The following MTCH2 variants were observed in gnomAD, a reference collection of about 807,000 sequenced individuals.
MTCH2 encodes the protein mitochondrial carrier 2, also known as mitochondrial carrier homolog 2.
A neutral mutation model predicts 50.6 loss-of-function variants in MTCH2; 25 were observed. The ratio of observed to expected loss-of-function variants is 0.49; its 90% confidence interval spans 0.36 to 0.69. The LOEUF is 0.69. Among genes scored for constraint, MTCH2 ranks in the 30% least tolerant of loss-of-function variants. The pLI is 0.00. For synonymous variants in MTCH2, 106 were observed against 132.0 expected, an observed-to-expected ratio of 0.80 and a Z score of 1.35; for missense variants, 273 against 384.4, an observed-to-expected ratio of 0.71 and a Z score of 2.42.
chr11:47,638,649 A>G (rs773371791), intron 3 of MTCH2, 50 bp downstream of exon 3: 28 of 1,249,674 alleles, frequency 2.2e-5, no homozygotes, highest in Non-Finnish European at 2.9e-5. Context: ...CAAACTATGC[A>G]TAACAGGTAA....
At chr11:47,611,452 A>G in the MTCH2 span, among the ~76,000 whole-genome samples, 1 of 152,130 alleles carries the variant, frequency 6.6e-6, no homozygotes, top group African/African-American at 2.4e-5. Context: ...TCCTTATCCA[A>G]CCTCTGGCTC....
chr11:47,604,339 C>A, the MTCH2 span, among the ~76,000 whole-genome samples: 1 of 151,464 alleles, frequency 6.6e-6, no homozygotes, highest in Non-Finnish European at 1.5e-5. Flanking sequence ...CTCAAACTGT[C>A]AAAGATCAAT....
intron 5 of MTCH2, among the ~76,000 whole-genome samples, chr11:47,632,078 G>A (rs1289275547): frequency 1.3e-5 from 2 of 152,008 alleles, no homozygotes; most frequent in Non-Finnish European, 2.9e-5. Flanking sequence ...AGATTATTAA[G>A]TTGCTCTCTT....
chr11:47,635,631 T>TA, intron 3 of MTCH2, 60 bp from the exon 4 acceptor site: 1 of 1,511,792 alleles, frequency 6.6e-7, no homozygotes, highest in Non-Finnish European at 9.1e-7. Flanking sequence ...AAAGAAGACA[T>TA]AAAATGAAAA....
At chr11:47,610,332 AG>A in the MTCH2 span, among the ~76,000 whole-genome samples, 1 of 152,222 alleles carries the variant, frequency 6.6e-6, no homozygotes, top group Non-Finnish European at 1.5e-5. Flanking sequence ...CTTGGAAAGT[AG>A]CCCCTCCCTT....
chr11:47,609,730 A>AGAG, the MTCH2 span, among the ~76,000 whole-genome samples: 2 of 151,868 alleles, frequency 1.3e-5, no homozygotes. Context: ...CTGTGTAGGT[A>AGAG]GAGGAGAGTC....
rs1386143638 is a variant in MTCH2 at position 47,627,060 on chromosome 11, A to T, written c.681+20T>A. ...AACACAACTATTCCTAGAAGGTTAAAAGGATTTTAAAAAACTCACTCCTGT... is the reference window on the plus strand; with the variant it reads ...AACACAACTATTCCTAGAAGGTTAATAGGATTTTAAAAAACTCACTCCTGT... On this transcript the variant is annotated intron_variant, in intron 10 of 12. Transcript: ENST00000302503. 2 of 1,560,628 alleles carry T rather than the reference A, an allele frequency of 1.3e-6. No homozygotes were observed. Among genetic ancestry groups the T allele is most frequent in the African/African-American group, 2.7e-5 (2 of 72,732 alleles).
chr11:47,631,593 T>G, intron 6 of MTCH2, 61 bp downstream of exon 6: 1 of 1,544,654 alleles, frequency 6.5e-7, no homozygotes, highest in East Asian at 2.3e-5. Flanking sequence ...CGTCAACCTA[T>G]CTAAGTGGTC....
intron 10 of MTCH2, among the ~76,000 whole-genome samples, chr11:47,626,096 C>T (rs530792560): frequency 3.9e-5 from 6 of 151,968 alleles, no homozygotes; most frequent in African/African-American, 7.2e-5. Flanking sequence ...CTGCAACCTC[C>T]GCCTCCTGGG....
intron 1 of MTCH2, among the ~76,000 whole-genome samples, chr11:47,641,170 G>A (rs1435320001): frequency 2.6e-5 from 4 of 152,168 alleles, no homozygotes; most frequent in African/African-American, 9.7e-5. Flanking sequence ...CTGGGAAGGC[G>A]TGAGCGAACG....
Position 47,634,728 on chromosome 11 carries a change from C to T in MTCH2, c.313G>A (p.Gly105Arg). 2.5e-6 allele frequency: 4 copies of T among 1,589,284 alleles called. No homozygotes were observed. The highest frequency in any genetic ancestry group is 1.1e-5 in the South Asian group (1 of 88,164). ...ACTTCTTTCTGTACATTTCCAGGTC[C>T]TAACTCCTGGAAATCAAAATCAAAG... Reference protein sequence around the residue: ...YQESDKGEELGPGNVQKEVSS... With the variant: ...YQESDKGEELRPGNVQKEVSS... Residue 105 changes from glycine (G) to arginine (R), a missense_variant, in exon 5 of 13, where the codon GGA becomes AGA. By Grantham distance (125) the Gly-to-Arg change is moderately radical. Around this residue, in one of 2 missense-constraint regions of MTCH2, gnomAD observed 203 missense variants for 244.3 expected, o/e 0.83. Transcript: ENST00000302503.
Position 47,642,509 on chromosome 11 carries a change from G to A in MTCH2, c.-44C>T. ...ACGGACAGACAGACGGAGCCACCAA[G>A]CGACCCGGTGAGCCGGTCCTAGGTC... On this transcript the variant is annotated 5_prime_UTR_variant, in exon 1 of 13. Transcript: ENST00000302503. The A allele has an allele frequency of 1.3e-6, 2 of 1,520,440 alleles. No homozygotes were observed. Among genetic ancestry groups the A allele is most frequent in the Admixed American group, 2.1e-5 (1 of 48,272 alleles). The allele number at this position is 1,520,440 out of a possible 1,614,324, so 94.2% of individuals were successfully genotyped here.
chr11:47,640,912 T>C (rs1365902780), intron 1 of MTCH2, among the ~76,000 whole-genome samples: 1 of 152,086 alleles, frequency 6.6e-6, no homozygotes, highest in Non-Finnish European at 1.5e-5. Flanking sequence ...GTTTTGTTTT[T>C]TTGAGGCTGA....
At chr11:47,611,194 A>T in the MTCH2 span, among the ~76,000 whole-genome samples, 1 of 152,246 alleles carries the variant, frequency 6.6e-6, no homozygotes, top group African/African-American at 2.4e-5. Flanking sequence ...CCTCGCACAG[A>T]ACTCTGCCCA....
chr11:47,607,276 A>T, the MTCH2 span, among the ~76,000 whole-genome samples: 1 of 152,178 alleles, frequency 6.6e-6, no homozygotes, highest in Non-Finnish European at 1.5e-5. Flanking sequence ...TGCTCAGCTT[A>T]GCTTCATGGA....
the MTCH2 span, among the ~76,000 whole-genome samples, chr11:47,605,163 C>T: frequency 6.6e-6 from 1 of 152,102 alleles, no homozygotes; most frequent in Non-Finnish European, 1.5e-5. Flanking sequence ...GATCTGACCT[C>T]GTGATCCGCC....
the MTCH2 span, among the ~76,000 whole-genome samples, chr11:47,604,869 GATCT>G: frequency 6.6e-6 from 1 of 152,082 alleles, no homozygotes; most frequent in South Asian, 2.1e-4. Context: ...CCTCTGAGGG[GATCT>G]ATTAGAAACC....
chr11:47,633,912 A>ATAGTTCT (rs1406576539), intron 5 of MTCH2, among the ~76,000 whole-genome samples: 5 of 152,134 alleles, frequency 3.3e-5, no homozygotes, highest in African/African-American at 1.2e-4. Context: ...GACAATGTGA[A>ATAGTTCT]GACTTAAGTA....
chr11:47,615,688 A>T (rs986731012), downstream of MTCH2, among the ~76,000 whole-genome samples: 13 of 149,788 alleles, frequency 8.7e-5, no homozygotes, highest in Admixed American at 3.3e-4. Context: ...GCGGGAGTGC[A>T]GTGGGGCAAT....
Sources: gnomAD v4.1 joint callset for allele counts (sites outside exome capture counted in the v4.1 genomes callset) on GRCh38, gnomAD v4.1.1 for gene constraint, gnomAD v4.1.1 regional missense constraint, MANE v1.5 for transcripts, NCBI Gene and HGNC (gene_info 2026-07-23, HGNC 2026-07-21) for gene names.